MAF: variants seen among roughly 807,000 people sequenced by gnomAD.
The protein encoded by MAF is transcription factor Maf.
Under a neutral mutation model 22.0 loss-of-function variants are expected in MAF, and 10 were observed. That is an observed-to-expected ratio of 0.45 (90% CI 0.28 to 0.77). MAF has a LOEUF of 0.77. Among genes scored for constraint, MAF ranks in the 30% least tolerant of loss-of-function variants. The probability of loss-of-function intolerance (pLI) is 0.12; values close to 1 mark genes in which losing one functional copy is unlikely to be tolerated. For synonymous variants in MAF, 337 were observed against 255.8 expected (o/e 1.32, Z -3.03); for missense variants, 544 against 548.4 (o/e 0.99, Z 0.08).
At chr16:79,487,407 T>C in the MAF span, among the ~76,000 whole-genome samples, 24 of 152,172 alleles carry the variant, frequency 1.6e-4, no homozygotes, top group African/African-American at 5.8e-4. Flanking sequence ...TATGTGCCTA[T>C]ACAAATTCGT....
the MAF span, among the ~76,000 whole-genome samples, chr16:79,370,506 T>A: frequency 6.6e-6 from 1 of 152,190 alleles, no homozygotes; most frequent in Non-Finnish European, 1.5e-5. Context: ...AGAGCACACA[T>A]CTGTTCTCTC....
the MAF span, among the ~76,000 whole-genome samples, chr16:79,421,051 A>T: frequency 1.3e-5 from 2 of 151,294 alleles, no homozygotes; most frequent in African/African-American, 4.9e-5. Flanking sequence ...AAAAAAAAAA[A>T]TTGAGAGAGA....
the MAF span, among the ~76,000 whole-genome samples, chr16:79,554,284 C>T: frequency 1.3e-5 from 2 of 152,130 alleles, no homozygotes; most frequent in Non-Finnish European, 2.9e-5. Context: ...GATGAGGAAA[C>T]TGAGGATCTG....
the MAF span, among the ~76,000 whole-genome samples, chr16:79,351,996 G>T: frequency 6.6e-6 from 1 of 152,134 alleles, no homozygotes; most frequent in Non-Finnish European, 1.5e-5. Flanking sequence ...TGTCACCGTT[G>T]AGATGACATC....
At chr16:79,287,874 C>G in the MAF span, among the ~76,000 whole-genome samples, 1 of 152,192 alleles carries the variant, frequency 6.6e-6, no homozygotes, top group East Asian at 1.9e-4. Context: ...TAGGCAGTCA[C>G]CAAACAGACA....
chr16:79,423,343 A>C, the MAF span, among the ~76,000 whole-genome samples: 1 of 152,162 alleles, frequency 6.6e-6, no homozygotes. Context: ...GAGAGCAGCA[A>C]GGAGGCCAGC....
chr16:79,419,276 G>T, the MAF span, among the ~76,000 whole-genome samples: 1 of 152,190 alleles, frequency 6.6e-6, no homozygotes, highest in Non-Finnish European at 1.5e-5. Flanking sequence ...TGAAAGGAAG[G>T]AAATGACAGA....
the MAF span, among the ~76,000 whole-genome samples, chr16:79,246,867 C>A: frequency 1.3e-5 from 2 of 151,832 alleles, no homozygotes; most frequent in Non-Finnish European, 2.9e-5. Context: ...CAATAATTTT[C>A]CATCTACCTT....
At chr16:79,322,867 G>A in the MAF span, among the ~76,000 whole-genome samples, 17 of 151,908 alleles carry the variant, frequency 1.1e-4, no homozygotes, top group Non-Finnish European at 2.1e-4. Context: ...ATAGGCAATT[G>A]GGGCCGGGTG....
At chr16:79,307,064 G>A in the MAF span, among the ~76,000 whole-genome samples, 2 of 152,206 alleles carry the variant, frequency 1.3e-5, no homozygotes, top group East Asian at 3.9e-4. Flanking sequence ...GGGTATGTTT[G>A]CAAAATGGAT....
chr16:79,594,718 A>G, intron 1 of MAF, 165 bp from the exon 2 acceptor site: 1 of 1,433,082 alleles, frequency 7.0e-7, no homozygotes, highest in South Asian at 1.5e-5. Flanking sequence ...GTAAGAAAAA[A>G]AAAACATGTA....
chr16:79,302,467 T>C, the MAF span, among the ~76,000 whole-genome samples: 1 of 152,240 alleles, frequency 6.6e-6, no homozygotes, highest in African/African-American at 2.4e-5. Context: ...CCCACATGGC[T>C]GATGCCTTAA....
At chr16:79,581,747 C>A (rs1226813023), downstream of MAF, among the ~76,000 whole-genome samples, 1 of 152,204 alleles carries the variant, frequency 6.6e-6, no homozygotes, top group East Asian at 1.9e-4. Context: ...CTTCACCTCT[C>A]TTTTTGGACT....
At position 79,600,072 on chromosome 16, in the gene MAF, A is replaced by AC. The variant is rs554070629; in HGVS notation, c.-171dup. On this transcript the variant is annotated 5_prime_UTR_variant, in exon 1 of 2. Transcript: ENST00000326043. The stretch of plus-strand genomic sequence containing the variant: ...AACCTCCGAGCGCGCTCACACACAC[A>AC]CCCCCCCGCCCTGCCCGCGCCCCCC... 143 of 746,476 alleles carry AC rather than the reference A, an allele frequency of 1.9e-4. No individual in the cohort carries two copies. Among genetic ancestry groups the AC allele is most frequent in the African/African-American group, 9.7e-4 (50 of 51,788 alleles). The allele number at this position is 746,476 out of a possible 1,614,324, so 46.2% of individuals were successfully genotyped here. A position where few individuals can be genotyped will look rare whatever the true frequency, so the allele number is the denominator to read the frequency against.
chr16:79,368,638 T>A, the MAF span, among the ~76,000 whole-genome samples: 4 of 152,138 alleles, frequency 2.6e-5, no homozygotes, highest in Non-Finnish European at 4.4e-5. Flanking sequence ...GGAGCCCTGG[T>A]GCTCTTTTGC....
At chr16:79,249,020 A>G in the MAF span, among the ~76,000 whole-genome samples, 1 of 152,174 alleles carries the variant, frequency 6.6e-6, no homozygotes, top group Non-Finnish European at 1.5e-5. Flanking sequence ...CCCAAAATTC[A>G]TATGCTGAAG....
the MAF span, among the ~76,000 whole-genome samples, chr16:79,227,765 T>A: frequency 6.6e-6 from 1 of 152,088 alleles, no homozygotes; most frequent in Non-Finnish European, 1.5e-5. Context: ...CATTTTACGC[T>A]ACTCTAAACA....
the MAF span, among the ~76,000 whole-genome samples, chr16:79,379,595 G>C: frequency 1.3e-5 from 2 of 152,154 alleles, no homozygotes; most frequent in Admixed American, 1.3e-4. Flanking sequence ...ATATGAAACT[G>C]TGTTACATTT....
chr16:79,557,086 C>T, the MAF span, among the ~76,000 whole-genome samples: 15 of 151,990 alleles, frequency 9.9e-5, no homozygotes, highest in Middle Eastern at 3.4e-3. Context: ...ACTACAGGCT[C>T]GCACCACAGC....
Sources: allele counts gnomAD v4.1 joint callset (sites outside exome capture counted in the v4.1 genomes callset), GRCh38; gene constraint gnomAD v4.1.1; transcripts MANE v1.5; gene names NCBI Gene and HGNC (gene_info 2026-07-23, HGNC 2026-07-21).